Variants in FAM20A observed in about 807,000 individuals in gnomAD.
FAM20A encodes the protein pseudokinase FAM20A.
FAM20A carries 42 observed loss-of-function variants against 52.0 expected under a neutral mutation model. That is an observed-to-expected ratio of 0.81 (90% confidence interval 0.63 to 1.04). The LOEUF is 1.04. Ranked by LOEUF, FAM20A falls within the 50% of genes least tolerant of loss-of-function variation. The pLI is 0.00. For missense variants in FAM20A, 742 were observed against 712.7 expected, an observed-to-expected ratio of 1.04 and a Z score of -0.47; for synonymous variants, 304 against 298.9, an observed-to-expected ratio of 1.02 and a Z score of -0.18.
Position 68,536,771 on chromosome 17 carries a change from C to T in FAM20A, c.*706G>A, listed in dbSNP as rs2086108844. 2.2e-6 allele frequency: 1 copy of T among 453,864 alleles called. No individual in the cohort carries two copies. Among genetic ancestry groups the T allele is most frequent in the Non-Finnish European group, 4.4e-6 (1 of 226,780 alleles). 28.1% of individuals were successfully genotyped at this position (453,864 alleles called of 1,614,324 possible). A position where few individuals can be genotyped will look rare whatever the true frequency, so the allele number is the denominator to read the frequency against. ...TTCGTTGTAATTATTTATTCTGTTA[C>T]TGGCTGCTTAGTGTGACATATTTGA... On this transcript the variant is annotated 3_prime_UTR_variant, in exon 11 of 11. Coordinates refer to ENST00000592554, the MANE Select transcript of FAM20A (RefSeq NM_017565.4).
Position 68,596,221 on chromosome 17 carries a change from A to ACACACACACACC in FAM20A, c.404+4041_404+4042insGGTGTGTGTGTG, listed in dbSNP as rs537283388. On this transcript the variant is annotated intron_variant, in intron 1 of 10. Transcript: ENST00000592554. ...GGAAACCACACACACACACACACAC[A>ACACACACACACC]CCCCTAAGAAATGCTGAATCTGTAA... Among the ~76,000 whole-genome samples, 408 of 151,390 alleles carry ACACACACACACC rather than the reference A, an allele frequency of 2.7e-3. 1 individual carries two copies. Among genetic ancestry groups the ACACACACACACC allele is most frequent in the Non-Finnish European group, 3.7e-3 (254 of 67,900 alleles).
chr17:68,571,580 G>A (rs1465798373), intron 1 of FAM20A, among the ~76,000 whole-genome samples: 2 of 152,096 alleles, frequency 1.3e-5, no homozygotes, highest in Non-Finnish European at 2.9e-5. Context: ...TATAGCACTC[G>A]GCTTTTAAAT....
chr17:68,542,213 G>A (rs754961447), intron 6 of FAM20A, 48 bp from the exon 7 acceptor site: 2 of 1,598,796 alleles, frequency 1.3e-6, no homozygotes, highest in Admixed American at 3.4e-5. Context: ...GGCTCTGGAG[G>A]CATGACATCT....
chr17:68,545,319 G>A (rs542477245), intron 4 of FAM20A, among the ~76,000 whole-genome samples: 6 of 152,266 alleles, frequency 3.9e-5, no homozygotes, highest in Admixed American at 2.0e-4. Context: ...GACACACTTC[G>A]GAGATATTGC....
intron 1 of FAM20A, among the ~76,000 whole-genome samples, chr17:68,562,603 C>A (rs2087245676): frequency 6.8e-6 from 1 of 147,154 alleles, no homozygotes; most frequent in Non-Finnish European, 1.5e-5. Context: ...ATCTAGCATC[C>A]TTTTCCATCC....
At chr17:68,590,831 C>T (rs1437635868) in intron 1 of FAM20A, among the ~76,000 whole-genome samples, 1 of 152,182 alleles carries the variant, frequency 6.6e-6, no homozygotes, top group Non-Finnish European at 1.5e-5. Context: ...CTTCTAATGA[C>T]TCCGCCTCCC....
intron 1 of FAM20A, among the ~76,000 whole-genome samples, chr17:68,598,866 TTTTCTAAGGGCAAAA>T (rs1474125701): frequency 6.6e-6 from 1 of 152,166 alleles, no homozygotes; most frequent in Non-Finnish European, 1.5e-5. Context: ...TATAGATACT[TTTTCTAAGGGCAAAA>T]TTTCCTGGTT....
chr17:68,600,321 G>A lies in FAM20A; in HGVS notation c.346C>T (p.Leu116Phe), dbSNP rs1598092505. 5.0e-6 allele frequency: 8 copies of A among 1,591,238 alleles called. No homozygotes were observed. Among genetic ancestry groups the A allele is most frequent in the Admixed American group, 1.7e-5 (1 of 57,480 alleles). ...EPPLLGAEDS[L>F]LASQEALRYY... ...CGCAGCGCCTCCTGGCTGGCCAGGAGCGAGTCCTCGGCTCCCAGGAGAGGC... is the reference window on the plus strand; with the variant it reads ...CGCAGCGCCTCCTGGCTGGCCAGGAACGAGTCCTCGGCTCCCAGGAGAGGC... The change falls in exon 1 of 11, where the codon CTC becomes TTC. Residue 116 changes from leucine to phenylalanine, a missense_variant. Physicochemically the swap from Leu to Phe is conservative, Grantham distance 22 (BLOSUM62 0). Coordinates refer to ENST00000592554, the MANE Select transcript of FAM20A (RefSeq NM_017565.4). This position sits in a 1 kb window ranked among gnomAD's most constrained non-coding sequence, Gnocchi z 6.2.
At chr17:68,573,044 T>A (rs1228405459) in intron 1 of FAM20A, among the ~76,000 whole-genome samples, 1 of 152,228 alleles carries the variant, frequency 6.6e-6, no homozygotes, top group Non-Finnish European at 1.5e-5. Context: ...TGAAAGATTA[T>A]CTGCTTCAGC....
chr17:68,581,662 G>A (rs1422804311), intron 1 of FAM20A, among the ~76,000 whole-genome samples: 8 of 145,804 alleles, frequency 5.5e-5, no homozygotes, highest in African/African-American at 7.7e-5. Flanking sequence ...TGCAGCCTCC[G>A]CCTCCCGGGT....
At chr17:68,598,008 T>G (rs2088503493) in intron 1 of FAM20A, 1 of 150,830 alleles carries the variant, frequency 6.6e-6, no homozygotes, top group South Asian at 2.1e-4. Flanking sequence ...GTATGGTTTT[T>G]TTTTTTTTTT....
chr17:68,588,647 T>C (rs2088223126), intron 1 of FAM20A, among the ~76,000 whole-genome samples: 1 of 152,262 alleles, frequency 6.6e-6, no homozygotes, highest in Non-Finnish European at 1.5e-5. Context: ...TCTATGTGCA[T>C]GAGTTCCTTG....
intron 1 of FAM20A, among the ~76,000 whole-genome samples, chr17:68,580,348 GCGAAATGGGCTGGTTTCC>G (rs1254141806): frequency 9.9e-5 from 15 of 152,176 alleles, no homozygotes; most frequent in African/African-American, 1.7e-4. Context: ...TGAGATTTTT[GCGAAATGGGCTGGTTTCC>G]CGAAATGGGC....
At chr17:68,565,134 C>T (rs2087340024) in intron 1 of FAM20A, among the ~76,000 whole-genome samples, 1 of 142,386 alleles carries the variant, frequency 7.0e-6, no homozygotes, top group Non-Finnish European at 1.5e-5. Context: ...GGATTGAGGT[C>T]AGGCCCCTTT....
chr17:68,543,617 G>A lies in FAM20A; in HGVS notation c.812+12C>T, dbSNP rs200159924. The A allele has an allele frequency of 1.2e-5, 19 of 1,613,204 alleles. No individual in the cohort carries two copies. Among genetic ancestry groups the A allele is most frequent in the Non-Finnish European group, 1.5e-5 (18 of 1,179,310 alleles). ...TTATAGGCAATGCCATCTCCATGGGGCCAGACCCTACCTGTCCAGATGGAA... is the reference window on the plus strand; with the variant it reads ...TTATAGGCAATGCCATCTCCATGGGACCAGACCCTACCTGTCCAGATGGAA... On this transcript the variant is annotated intron_variant, in intron 5 of 10. Transcript: ENST00000592554.
chr17:68,539,674 G>A (rs1304068090), intron 9 of FAM20A, among the ~76,000 whole-genome samples: 1 of 152,246 alleles, frequency 6.6e-6, no homozygotes, highest in Non-Finnish European at 1.5e-5. Context: ...TCACTAGAGG[G>A]CACACGAGTG....
chr17:68,541,706 C>G, intron 7 of FAM20A: 1 of 369,510 alleles, frequency 2.7e-6, no homozygotes, highest in Non-Finnish European at 5.0e-6. Flanking sequence ...CTGTTCTCCC[C>G]ACTAGACCAA....
chr17:68,569,311 C>A (rs1029162533), intron 1 of FAM20A, among the ~76,000 whole-genome samples: 4 of 152,200 alleles, frequency 2.6e-5, no homozygotes, highest in Non-Finnish European at 5.9e-5. Context: ...GTCCACCCCT[C>A]TTCTCTACCA....
intron 5 of FAM20A, 71 bp from the exon 6 acceptor site, chr17:68,542,880 G>T (rs1319627605): frequency 3.3e-6 from 4 of 1,194,672 alleles, no homozygotes; most frequent in South Asian, 1.2e-5. Context: ...TTGTCCCCCG[G>T]CCAGTGCACA....
Sources: allele counts gnomAD v4.1 joint callset (sites outside exome capture counted in the v4.1 genomes callset), GRCh38; gene constraint gnomAD v4.1.1; non-coding constraint Gnocchi (gnomAD v3.1); transcripts MANE v1.5; gene names NCBI Gene and HGNC (gene_info 2026-07-23, HGNC 2026-07-21).